AGBL1: variants seen among roughly 807,000 people sequenced by gnomAD.
The protein encoded by AGBL1 is AGBL carboxypeptidase 1.
Under a neutral mutation model 118.9 loss-of-function variants are expected in AGBL1, and 130 were observed. The observed-to-expected ratio is 1.09, with a 90% CI of 0.95 to 1.26. AGBL1 has a LOEUF of 1.26. Ranked by LOEUF, AGBL1 falls within the 50% of genes most tolerant of loss-of-function variation. AGBL1 has a pLI of 0.00. For missense variants in AGBL1, 1,584 were observed against 1,298.1 expected (o/e 1.22, Z -3.38); for synonymous variants, 555 against 478.9 (o/e 1.16, Z -2.08).
intron 22 of AGBL1, among the ~76,000 whole-genome samples, chr15:86,722,584 G>T (rs148196726): frequency 0.022 from 3,317 of 152,266 alleles, 104 homozygotes; most frequent in African/African-American, 0.074. Context: ...TGCCATTCAG[G>T]ACATAGGCAT....
rs1032027687 is a variant in AGBL1 at position 86,151,920 on chromosome 15, T to A, written c.263-2510T>A. On this transcript the variant is annotated intron_variant, in intron 3 of 22. Coordinates refer to ENST00000614907, the MANE Select transcript of AGBL1 (RefSeq NM_001386094.1). Reference sequence around the variant, plus strand: ...TCATGAGTGAACTCCCATTCACAATTGCTACAAAGAGAATAAAATACCTAG... The same window carrying A: ...TCATGAGTGAACTCCCATTCACAATAGCTACAAAGAGAATAAAATACCTAG... 5.9e-5 allele frequency among the ~76,000 whole-genome samples: 9 copies of A among 152,252 alleles called. No homozygotes were observed. In the East Asian group the frequency reaches 1.7e-3, roughly 29 times the overall value.
intron 22 of AGBL1, among the ~76,000 whole-genome samples, chr15:86,741,587 A>G (rs893345974): frequency 2.6e-5 from 4 of 151,882 alleles, no homozygotes; most frequent in Non-Finnish European, 4.4e-5. Context: ...CTGCATGTTG[A>G]TGAAGTCTCT....
intron 22 of AGBL1, among the ~76,000 whole-genome samples, chr15:86,882,057 A>C (rs2079900592): frequency 6.6e-6 from 1 of 152,166 alleles, no homozygotes; most frequent in South Asian, 2.1e-4. Context: ...AAGAAGATCT[A>C]CTTGCATTAA....
chr15:86,700,981 G>C (rs927405049), intron 22 of AGBL1, among the ~76,000 whole-genome samples: 2 of 152,092 alleles, frequency 1.3e-5, no homozygotes, highest in South Asian at 2.1e-4. Context: ...CTCCCCAGTC[G>C]TGCTGAGGGA....
intron 3 of AGBL1, among the ~76,000 whole-genome samples, chr15:86,150,849 T>C (rs1260522192): frequency 2.6e-5 from 4 of 152,132 alleles, no homozygotes; most frequent in African/African-American, 7.2e-5. Flanking sequence ...CTGATGAACA[T>C]TGATGCAAAA....
chr15:86,134,774 C>T (rs570901862), intron 1 of AGBL1, among the ~76,000 whole-genome samples: 2 of 151,736 alleles, frequency 1.3e-5, no homozygotes, highest in South Asian at 2.1e-4. Flanking sequence ...CCACTACGCC[C>T]AGTTAATTTT....
At position 86,279,965 on chromosome 15, in the gene AGBL1, C is replaced by T. The variant is rs913245972; in HGVS notation, c.2220+182C>T. On this transcript the variant is annotated intron_variant, in intron 16 of 22. Transcript: ENST00000614907. ...ACTTGGTGCTTTCTAATTGTCCCATCTCCTTCCCTGGACAGAGCACAAGGC... is the reference window on the plus strand; with the variant it reads ...ACTTGGTGCTTTCTAATTGTCCCATTTCCTTCCCTGGACAGAGCACAAGGC... Among the ~76,000 whole-genome samples the T allele has an allele frequency of 5.9e-5, 9 of 152,298 alleles. 1 individual carries two copies. In the Middle Eastern group the frequency reaches 0.027, roughly 460 times the overall value.
chr15:86,565,908 A>G (rs2083906017), intron 21 of AGBL1, among the ~76,000 whole-genome samples: 1 of 152,220 alleles, frequency 6.6e-6, no homozygotes, highest in Admixed American at 6.5e-5. Flanking sequence ...GCGAGGCTCC[A>G]TGGGCGTGGG....
chr15:86,506,044 C>T (rs1370804400), intron 18 of AGBL1, among the ~76,000 whole-genome samples: 1 of 152,054 alleles, frequency 6.6e-6, no homozygotes, highest in Non-Finnish European at 1.5e-5. Context: ...AATGATTAGA[C>T]AGAGTTTCTT....
chr15:86,862,286 A>G (rs1012397286), intron 22 of AGBL1, among the ~76,000 whole-genome samples: 2 of 152,186 alleles, frequency 1.3e-5, no homozygotes, highest in African/African-American at 2.4e-5. Flanking sequence ...AAAATCTACA[A>G]CACAACAAAA....
rs529569793 is a variant in AGBL1, at chr15:87,003,866, A to G, written c.3323+15778A>G. ...TATTGCATCTATTTGATTATTCTCTATTAGTCTTGCTAGTGGTCTATCAAT... is the reference window on the plus strand; with the variant it reads ...TATTGCATCTATTTGATTATTCTCTGTTAGTCTTGCTAGTGGTCTATCAAT... On this transcript the variant is annotated intron_variant, in intron 24 of 24. Coordinates refer to the AGBL1 transcript ENST00000441037. 2.0e-4 allele frequency among the ~76,000 whole-genome samples: 30 copies of G among 150,162 alleles called. 2 individuals carry two copies. In the South Asian group the frequency reaches 6.0e-3, roughly 30 times the overall value.
chr15:86,476,906 T>C (rs1001403524), intron 18 of AGBL1, among the ~76,000 whole-genome samples: 1 of 150,080 alleles, frequency 6.7e-6, no homozygotes, highest in South Asian at 2.1e-4. Context: ...GCAATCAAAC[T>C]AGAACTCAGG....
At chr15:86,556,327 T>C (rs1162800775) in intron 21 of AGBL1, 4 of 1,528,492 alleles carry the variant, frequency 2.6e-6, no homozygotes, top group Non-Finnish European at 3.6e-6. Context: ...TCCAAATGGC[T>C]TTTGCATTGG....
At chr15:87,022,926 A>T (rs1046143164) in intron 24 of AGBL1, among the ~76,000 whole-genome samples, 17 of 152,072 alleles carry the variant, frequency 1.1e-4, no homozygotes, top group Non-Finnish European at 1.5e-5. Flanking sequence ...ATTTACCACT[A>T]CCATGCCACC....
At chr15:86,545,774 T>C (rs1216560028) in intron 19 of AGBL1, among the ~76,000 whole-genome samples, 1 of 152,146 alleles carries the variant, frequency 6.6e-6, no homozygotes, top group African/African-American at 2.4e-5. Context: ...CCTAAGACCC[T>C]TAAAGTCTAC....
intron 22 of AGBL1, among the ~76,000 whole-genome samples, chr15:86,790,446 T>C (rs2078476065): frequency 6.6e-6 from 1 of 152,038 alleles, no homozygotes; most frequent in Non-Finnish European, 1.5e-5. Context: ...CTCACACACC[T>C]CTATCTTAAT....
intron 23 of AGBL1, among the ~76,000 whole-genome samples, chr15:86,950,191 A>G (rs2080865324): frequency 6.6e-6 from 1 of 151,908 alleles, no homozygotes; most frequent in Non-Finnish European, 1.5e-5. Flanking sequence ...CTTAAAAAAT[A>G]AATTCTCAAA....
intron 18 of AGBL1, among the ~76,000 whole-genome samples, chr15:86,474,005 A>G (rs2082517378): frequency 6.6e-6 from 1 of 152,190 alleles, no homozygotes; most frequent in Non-Finnish European, 1.5e-5. Flanking sequence ...GCTGGACTCA[A>G]GTAATAAAAT....
In AGBL1 at chr15:86,110,159, G is replaced by A. The variant is rs1475713281; in HGVS notation, c.51+30136G>A. Among the ~76,000 whole-genome samples the A allele has an allele frequency of 2.6e-5, 4 of 152,166 alleles. No individual in the cohort carries two copies. In the South Asian group the frequency reaches 6.2e-4, roughly 24 times the overall value. On this transcript the variant is annotated intron_variant, in intron 1 of 22. Transcript: ENST00000614907. ...AAGATTTATGGTAACTCTACCTCTG[G>A]TAGTGACAAATAGCATTGAGGAGAA...
Sources: gnomAD v4.1 joint callset for allele counts (sites outside exome capture counted in the v4.1 genomes callset) on GRCh38, gnomAD v4.1.1 for gene constraint, MANE v1.5 for transcripts, NCBI Gene and HGNC (gene_info 2026-07-23, HGNC 2026-07-21) for gene names.